The following MAP2K4 variants were observed in gnomAD, a reference collection of about 807,000 sequenced individuals.
The protein encoded by MAP2K4 is mitogen-activated protein kinase kinase 4, also known as dual specificity mitogen-activated protein kinase kinase 4.
MAP2K4 carries 4 observed loss-of-function variants against 48.5 expected under a neutral mutation model. The observed-to-expected ratio is 0.08, with a 90% CI of 0.04 to 0.19. MAP2K4 has a LOEUF of 0.19. Among genes scored for constraint, MAP2K4 ranks in the 10% least tolerant of loss-of-function variants. The pLI is 1.00. For missense variants in MAP2K4, 258 were observed against 493.3 expected, an observed-to-expected ratio of 0.52 and a Z score of 4.52; for synonymous variants, 166 against 173.1, an observed-to-expected ratio of 0.96 and a Z score of 0.32.
chr17:12,125,110 C>T, intron 7 of MAP2K4, 184 bp from the exon 8 acceptor site: 2 of 573,838 alleles, frequency 3.5e-6, no homozygotes, highest in South Asian at 2.2e-5. Flanking sequence ...TGGAAGTAGC[C>T]ATTAAGTTTT....
intron 1 of MAP2K4, 134 bp downstream of exon 1, chr17:12,021,135 C>G: frequency 4.4e-6 from 2 of 456,596 alleles, no homozygotes; most frequent in Non-Finnish European, 6.8e-6. Flanking sequence ...TCTCTCCCTC[C>G]CCGGCTTCCC....
intron 3 of MAP2K4, among the ~76,000 whole-genome samples, chr17:12,090,885 G>T (rs1971540415): frequency 6.6e-6 from 1 of 151,974 alleles, no homozygotes; most frequent in South Asian, 2.1e-4. Flanking sequence ...CGTTCCTCTT[G>T]TCCCTTTTCA....
In MAP2K4 at chr17:12,039,487, A is replaced by G. The variant is rs202043858; in HGVS notation, c.116-15402A>G. Among the ~76,000 whole-genome samples the G allele has an allele frequency of 1.6e-4, 24 of 152,288 alleles. No homozygotes were observed. In the East Asian group the frequency reaches 4.4e-3, roughly 28 times the overall value. On this transcript the variant is annotated intron_variant, in intron 1 of 10. Transcript: ENST00000353533. ...ATCAGCAATTACCAACATATAGCCA[A>G]TCTTATTCTTCTTCCCTCCAGCTAT...
At chr17:12,059,540 G>GACA in intron 2 of MAP2K4, among the ~76,000 whole-genome samples, 1 of 152,078 alleles carries the variant, frequency 6.6e-6, no homozygotes, top group Admixed American at 6.6e-5. Flanking sequence ...AAAAACACTA[G>GACA]CTTAAAAGTT....
At chr17:12,097,515 G>GT (rs1275852279) in intron 4 of MAP2K4, among the ~76,000 whole-genome samples, 1 of 152,204 alleles carries the variant, frequency 6.6e-6, no homozygotes, top group Non-Finnish European at 1.5e-5. Flanking sequence ...GCTTGGAGTG[G>GT]TGTCTGAACA....
In MAP2K4 at chr17:12,095,561, T is replaced by A; in HGVS notation, c.394-14T>A. On this transcript the variant is annotated splice_polypyrimidine_tract_variant and intron_variant, in intron 3 of 10. Transcript: ENST00000353533. The stretch of plus-strand genomic sequence containing the variant: ...TATTGTGTTTTTTTGACATCTTTTG[T>A]CATTCTTTTCCAGAGAATTCGGTCA... 1 of 1,613,442 alleles carries A rather than the reference T, an allele frequency of 6.2e-7. No individual in the cohort carries two copies. The highest frequency in any genetic ancestry group is 8.5e-7 in the Non-Finnish European group (1 of 1,179,734).
chr17:12,029,040 C>T (rs1262281134), intron 1 of MAP2K4, among the ~76,000 whole-genome samples: 1 of 152,162 alleles, frequency 6.6e-6, no homozygotes, highest in East Asian at 1.9e-4. Flanking sequence ...CTTTATCGAA[C>T]ACCATTTGCT....
At position 12,081,834 on chromosome 17, in the gene MAP2K4, C is replaced by T. The variant is rs1439666250; in HGVS notation, c.393+304C>T. 4.0e-6 allele frequency: 2 copies of T among 503,368 alleles called. No individual in the cohort carries two copies. The highest frequency in any genetic ancestry group is 1.9e-5 in the African/African-American group (1 of 52,112). 31.2% of individuals were successfully genotyped at this position (503,368 alleles called of 1,614,324 possible). ...GTGAGTTCAGGCTGGGCGGCTGCAC[C>T]CCTGGGAGCAGGGCAGTGCTGCACT... On this transcript the variant is annotated intron_variant, in intron 3 of 10. Coordinates refer to ENST00000353533, the MANE Select transcript of MAP2K4 (RefSeq NM_003010.4). This position sits in a 1 kb window ranked among gnomAD's most constrained non-coding sequence, Gnocchi z 4.2.
At chr17:12,130,959 A>C (rs1973002549) in intron 9 of MAP2K4, among the ~76,000 whole-genome samples, 1 of 152,192 alleles carries the variant, frequency 6.6e-6, no homozygotes, top group South Asian at 2.1e-4. Context: ...CATTCTTAGC[A>C]GGGTGATATT....
At position 12,141,188 on chromosome 17, in the gene MAP2K4, G is replaced by A. The variant is rs1303790417; in HGVS notation, c.1128G>A (p.Glu376=). ...TGATGTATGAAGAACGTGCCGTTGAGGTCGCATGCTATGTTTGTAAAATCC... is the reference window on the plus strand; with the variant it reads ...TGATGTATGAAGAACGTGCCGTTGAAGTCGCATGCTATGTTTGTAAAATCC... ...FILMYEERAV[E]VACYVCKILD... The change falls in exon 11 of 11, where the codon GAG becomes GAA. Residue 376 remains glutamate, a synonymous_variant. Transcript: ENST00000353533. The A allele has an allele frequency of 6.2e-7, 1 of 1,613,818 alleles. No homozygotes were observed. The highest frequency in any genetic ancestry group is 2.2e-5 in the East Asian group (1 of 44,880).
intron 2 of MAP2K4, among the ~76,000 whole-genome samples, chr17:12,055,565 G>A (rs762584201): frequency 6.6e-6 from 1 of 151,900 alleles, no homozygotes; most frequent in Admixed American, 6.6e-5. Flanking sequence ...AGCTAGTTTC[G>A]ATGTTGAGAA....
Position 12,129,224 on chromosome 17 carries a change from C to T in MAP2K4, c.977C>T (p.Pro326Leu), listed in dbSNP as rs267604739. ...ACACAAGTCGTGAAAGGAGATCCTCCGCAGCTGAGTAATTCTGAGGAAAGG... is the reference window on the plus strand; with the variant it reads ...ACACAAGTCGTGAAAGGAGATCCTCTGCAGCTGAGTAATTCTGAGGAAAGG... ...QLTQVVKGDP[P>L]QLSNSEEREF... Residue 326 changes from proline to leucine, a missense_variant, in exon 9 of 11, where the codon CCG becomes CTG. This residue lies in a region of MAP2K4 where 132 missense variants were observed against 352.8 expected (regional missense o/e 0.37). Transcript: ENST00000353533. 1 of 1,614,180 alleles carries T rather than the reference C, an allele frequency of 6.2e-7. No individual in the cohort carries two copies. Among genetic ancestry groups the T allele is most frequent in the Non-Finnish European group, 8.5e-7 (1 of 1,179,998 alleles).
In MAP2K4 at chr17:12,113,414, T is replaced by A. The variant is rs1264347622; in HGVS notation, c.813+54T>A. On this transcript the variant is annotated intron_variant, in intron 7 of 10. Coordinates refer to ENST00000353533, the MANE Select transcript of MAP2K4 (RefSeq NM_003010.4). ...TGATAGTCATTGCACAGAGAGCCTG[T>A]GCTCTTTTGTGCTGGCCATTAGTCA... The A allele has an allele frequency of 3.2e-6, 5 of 1,581,088 alleles. No individual in the cohort carries two copies. The African/African-American group carries it at 5.4e-5, about 17-fold the overall frequency.
chr17:12,099,293 T>C (rs1384593406), intron 4 of MAP2K4, among the ~76,000 whole-genome samples: 2 of 152,118 alleles, frequency 1.3e-5, no homozygotes, highest in Admixed American at 6.6e-5. Context: ...TTTTTAAAAA[T>C]GTGGACATTT....
intron 2 of MAP2K4, among the ~76,000 whole-genome samples, chr17:12,070,324 A>G (rs754111252): frequency 1.3e-5 from 2 of 152,126 alleles, no homozygotes; most frequent in Non-Finnish European, 2.9e-5. Flanking sequence ...AGATAGGTAG[A>G]TATGAGAGAT....
chr17:12,132,995 C>G (rs1040865846), intron 9 of MAP2K4, among the ~76,000 whole-genome samples: 1 of 152,154 alleles, frequency 6.6e-6, no homozygotes, highest in African/African-American at 2.4e-5. Flanking sequence ...TAGTTACTTA[C>G]AAAGTTTTTT....
chr17:12,134,013 A>G (rs1423077162), intron 9 of MAP2K4, among the ~76,000 whole-genome samples: 3 of 152,268 alleles, frequency 2.0e-5, no homozygotes, highest in African/African-American at 7.2e-5. Context: ...TTGCTGAAAT[A>G]ACTTCTAACA....
rs1034892208 is a variant in MAP2K4, at chr17:12,081,164, A to G, written c.219-192A>G. On this transcript the variant is annotated intron_variant, in intron 2 of 10. Transcript: ENST00000353533. This position sits in a 1 kb window ranked among gnomAD's most constrained non-coding sequence, Gnocchi z 4.2. ...CCCGTTGAAGCTGTGTCTATTGACT[A>G]CCTAAATCTAGATCATTCTTAATCC... 5.9e-5 allele frequency among the ~76,000 whole-genome samples: 9 copies of G among 152,224 alleles called. No homozygotes were observed. The highest frequency in any genetic ancestry group is 1.2e-4 in the Non-Finnish European group (8 of 68,048).
rs548882046 is a variant in MAP2K4, at chr17:12,059,684, C to T, written c.218+4693C>T. Among the ~76,000 whole-genome samples, 164 of 152,280 alleles carry T rather than the reference C, an allele frequency of 1.1e-3. 1 individual carries two copies. Among genetic ancestry groups the T allele is most frequent in the African/African-American group, 3.8e-3 (160 of 41,570 alleles). ...GGATTTCCCTTATCTTTGTTTATTA[C>T]ATTGGAACAGACAGAGACTCAGTTG... is the stretch of plus-strand genomic sequence containing the variant. On this transcript the variant is annotated intron_variant, in intron 2 of 10. Coordinates refer to ENST00000353533, the MANE Select transcript of MAP2K4 (RefSeq NM_003010.4).
Sources: allele counts gnomAD v4.1 joint callset (sites outside exome capture counted in the v4.1 genomes callset), GRCh38; gene constraint gnomAD v4.1.1; regional missense constraint gnomAD v4.1.1; non-coding constraint Gnocchi (gnomAD v3.1); transcripts MANE v1.5; gene names NCBI Gene and HGNC (gene_info 2026-07-23, HGNC 2026-07-21).